The following UBR3 variants were observed in gnomAD, a reference collection of about 807,000 sequenced individuals.
The protein encoded by UBR3 is E3 ubiquitin-protein ligase UBR3.
A neutral mutation model predicts 243.2 loss-of-function variants in UBR3; 85 were observed. That is an observed-to-expected ratio of 0.35 (90% CI 0.29 to 0.42). The LOEUF is 0.42. Among genes scored for constraint, UBR3 ranks in the 10% least tolerant of loss-of-function variants. UBR3 has a pLI of 1.00. For synonymous variants in UBR3, 748 were observed against 799.8 expected (o/e 0.94, Z 1.09); for missense variants, 1,686 against 2,300.8 (o/e 0.73, Z 5.47).
intron 27 of UBR3, 45 bp downstream of exon 27, chr2:170,001,459 A>G: frequency 8.2e-7 from 1 of 1,213,096 alleles, no homozygotes; most frequent in Non-Finnish European, 1.2e-6. Flanking sequence ...GTATCTTTCC[A>G]GGTATTAAAT....
chr2:169,864,257 G>A (rs2083180508), intron 1 of UBR3, among the ~76,000 whole-genome samples: 1 of 151,970 alleles, frequency 6.6e-6, no homozygotes, highest in Admixed American at 6.6e-5. Flanking sequence ...TGTTGCCCAG[G>A]CTAGAAATAA....
rs763975961 is a variant in UBR3, at chr2:169,947,680, G to A, written c.3049G>A (p.Ala1017Thr). 3 of 1,530,648 alleles carry A rather than the reference G, an allele frequency of 2.0e-6. No individual in the cohort carries two copies. The South Asian group carries it at 3.8e-5, about 19-fold the overall frequency. The allele number at this position is 1,530,648 out of a possible 1,614,324, so 94.8% of individuals were successfully genotyped here. Residue 1017 changes from alanine to threonine, a missense_variant, in exon 22 of 39, where the codon GCA (alanine) becomes ACA (threonine). By Grantham distance (58) the Ala-to-Thr change is moderately conservative (BLOSUM62 0). Coordinates refer to ENST00000272793, the MANE Select transcript of UBR3 (RefSeq NM_172070.4). ...TAPEVKRDSP[A>T]STSSDNLGSL... Reference sequence around the variant, plus strand: ...TCCTGAAGTAAAGAGAGACTCACCTGCAAGTACTAGCTCTGATAACTTGGG... The same window carrying A: ...TCCTGAAGTAAAGAGAGACTCACCTACAAGTACTAGCTCTGATAACTTGGG...
At chr2:169,865,695 A>G (rs1317148520) in intron 1 of UBR3, among the ~76,000 whole-genome samples, 1 of 152,040 alleles carries the variant, frequency 6.6e-6, no homozygotes. Context: ...TGCATCCTTC[A>G]GTTTCATGCC....
At chr2:170,053,416 T>C (rs2091266630) in intron 32 of UBR3, among the ~76,000 whole-genome samples, 1 of 152,136 alleles carries the variant, frequency 6.6e-6, no homozygotes, top group Non-Finnish European at 1.5e-5. Flanking sequence ...GCTGGGGGAG[T>C]TTAGCACATC....
chr2:169,983,512 C>T (rs991855234), intron 24 of UBR3, among the ~76,000 whole-genome samples: 6 of 151,990 alleles, frequency 3.9e-5, no homozygotes, highest in African/African-American at 7.3e-5. Flanking sequence ...CCACCTGCCT[C>T]GGCCTCCCAA....
At chr2:169,967,169 A>C (rs1159384237) in intron 24 of UBR3, among the ~76,000 whole-genome samples, 1 of 152,124 alleles carries the variant, frequency 6.6e-6, no homozygotes, top group African/African-American at 2.4e-5. Context: ...AGAGCTATTA[A>C]TCAAGAAGTT....
chr2:169,983,120 T>A (rs2088819457), intron 24 of UBR3, among the ~76,000 whole-genome samples: 1 of 151,194 alleles, frequency 6.6e-6, no homozygotes, highest in Admixed American at 6.6e-5. Flanking sequence ...CAAGGTGGAG[T>A]TGAGAGTGAG....
In UBR3 at chr2:169,947,726, A is replaced by G. The variant is rs766304968; in HGVS notation, c.3084+11A>G. 55 of 1,451,038 alleles carry G rather than the reference A, an allele frequency of 3.8e-5. No homozygotes were observed. The highest frequency in any genetic ancestry group is 4.9e-5 in the Non-Finnish European group (54 of 1,100,752). 89.9% of individuals were successfully genotyped at this position (1,451,038 alleles called of 1,614,324 possible). A position where few individuals can be genotyped will look rare whatever the true frequency, so the allele number is the denominator to read the frequency against. On this transcript the variant is annotated intron_variant, in intron 22 of 38. Coordinates refer to ENST00000272793, the MANE Select transcript of UBR3 (RefSeq NM_172070.4). The stretch of plus-strand genomic sequence containing the variant: ...TTGGGTTCTTTACAAGTAAGTGTAA[A>G]TGTAAGAAAGAAAATAAGAAAAAGC...
chr2:169,917,710 A>AT (rs1355327957), intron 11 of UBR3, among the ~76,000 whole-genome samples: 4 of 152,028 alleles, frequency 2.6e-5, no homozygotes, highest in Admixed American at 2.6e-4. Flanking sequence ...TTTATTTATT[A>AT]TTTTTTTCGA....
intron 26 of UBR3, among the ~76,000 whole-genome samples, chr2:169,999,408 C>A (rs572938838): frequency 6.6e-6 from 1 of 152,312 alleles, no homozygotes; most frequent in East Asian, 1.9e-4. Flanking sequence ...ACAGTACTTT[C>A]AACTTTAGAT....
intron 30 of UBR3, among the ~76,000 whole-genome samples, chr2:170,024,243 A>G (rs1226617990): frequency 6.6e-6 from 1 of 150,430 alleles, no homozygotes; most frequent in East Asian, 2.0e-4. Context: ...AATCCCAGCT[A>G]CTGGGGAGGC....
chr2:169,861,493 G>A (rs10206813), intron 1 of UBR3, among the ~76,000 whole-genome samples: 26,275 of 151,554 alleles, frequency 0.17, 2,519 homozygotes, highest in South Asian at 0.35. Context: ...TGTAATCCTG[G>A]CTACTCGGGA....
chr2:169,955,587 A>G (rs1377516945), intron 23 of UBR3, among the ~76,000 whole-genome samples: 2 of 151,944 alleles, frequency 1.3e-5, no homozygotes, highest in Non-Finnish European at 2.9e-5. Context: ...TGAGGTCAGG[A>G]GTTCGAGATC....
intron 5 of UBR3, among the ~76,000 whole-genome samples, chr2:169,888,320 G>T (rs1574128784): frequency 1.3e-5 from 2 of 150,844 alleles, no homozygotes. Flanking sequence ...TGTATTTTTA[G>T]TGGAGACGGG....
At chr2:170,037,815 T>C (rs2090869783) in intron 31 of UBR3, among the ~76,000 whole-genome samples, 1 of 152,228 alleles carries the variant, frequency 6.6e-6, no homozygotes, top group South Asian at 2.1e-4. Flanking sequence ...TTTGTTTTAT[T>C]CTGTTGTATG....
At chr2:169,973,905 G>C (rs1021615304) in intron 24 of UBR3, among the ~76,000 whole-genome samples, 3 of 152,120 alleles carry the variant, frequency 2.0e-5, no homozygotes, top group African/African-American at 7.2e-5. Flanking sequence ...TATCATGAAG[G>C]GATGTTGAAT....
intron 31 of UBR3, among the ~76,000 whole-genome samples, chr2:170,035,389 A>G (rs1368977335): frequency 6.6e-6 from 1 of 151,984 alleles, no homozygotes; most frequent in Non-Finnish European, 1.5e-5. Flanking sequence ...GTGAATGTCC[A>G]GTTGTTCTAG....
intron 24 of UBR3, among the ~76,000 whole-genome samples, chr2:169,962,122 T>C (rs1256657931): frequency 6.6e-6 from 1 of 152,136 alleles, no homozygotes; most frequent in Non-Finnish European, 1.5e-5. Flanking sequence ...TGAGTATCCC[T>C]GCGGAGGCCC....
intron 1 of UBR3, among the ~76,000 whole-genome samples, chr2:169,863,859 C>T (rs1016522964): frequency 3.3e-5 from 5 of 152,094 alleles, no homozygotes; most frequent in African/African-American, 4.8e-5. Context: ...TCTAAACACA[C>T]GAAGTAAAAA....
Sources: allele counts gnomAD v4.1 joint callset (sites outside exome capture counted in the v4.1 genomes callset), GRCh38; gene constraint gnomAD v4.1.1; transcripts MANE v1.5; gene names NCBI Gene and HGNC (gene_info 2026-07-23, HGNC 2026-07-21).